FMNL2: variants seen among roughly 807,000 people sequenced by gnomAD.
FMNL2 encodes the protein formin like 2.
A neutral mutation model predicts 130.2 loss-of-function variants in FMNL2; 51 were observed. The ratio of observed to expected loss-of-function variants is 0.39; its 90% CI spans 0.31 to 0.49. The LOEUF (loss-of-function observed/expected upper bound fraction) is 0.49. FMNL2 is among the 20% of genes least tolerant of loss of function. The pLI is 0.85. For synonymous variants in FMNL2, 465 were observed against 467.1 expected (o/e 1.00, Z 0.06); for missense variants, 977 against 1,316.2 (o/e 0.74, Z 3.99).
chr2:152,411,302 G>C (rs541332787), intron 1 of FMNL2, among the ~76,000 whole-genome samples: 1 of 152,242 alleles, frequency 6.6e-6, no homozygotes, highest in African/African-American at 2.4e-5. Flanking sequence ...TGTGTATTTG[G>C]GGGTGTGTGT....
At chr2:152,531,478 C>CTTT (rs11462086) in intron 2 of FMNL2, among the ~76,000 whole-genome samples, 6 of 147,972 alleles carry the variant, frequency 4.1e-5, no homozygotes, top group Admixed American at 6.7e-5. Context: ...GATGTAAGAT[C>CTTT]TTTTTTTTTT....
At chr2:152,560,420 T>C (rs755296489) in intron 5 of FMNL2, among the ~76,000 whole-genome samples, 3 of 152,200 alleles carry the variant, frequency 2.0e-5, no homozygotes, top group Non-Finnish European at 4.4e-5. Context: ...GCTAGTAATG[T>C]ATCACATATG....
chr2:152,438,499 C>T (rs1481500094), intron 1 of FMNL2, among the ~76,000 whole-genome samples: 2 of 152,188 alleles, frequency 1.3e-5, no homozygotes, highest in Non-Finnish European at 2.9e-5. Context: ...GTTACGTCTT[C>T]AGACTTTTAA....
intron 1 of FMNL2, among the ~76,000 whole-genome samples, chr2:152,521,251 G>A (rs1693069274): frequency 6.6e-6 from 1 of 152,152 alleles, no homozygotes; most frequent in African/African-American, 2.4e-5. Context: ...AAAAATCCAT[G>A]ACCAGCACTA....
At chr2:152,432,357 C>A (rs1282584018) in intron 1 of FMNL2, among the ~76,000 whole-genome samples, 3 of 152,108 alleles carry the variant, frequency 2.0e-5, no homozygotes, top group African/African-American at 7.2e-5. Context: ...CAAAGCAGAG[C>A]GGAAGCATTG....
At chr2:152,570,831 A>C (rs893251418) in intron 6 of FMNL2, among the ~76,000 whole-genome samples, 2 of 135,052 alleles carry the variant, frequency 1.5e-5, no homozygotes, top group African/African-American at 5.8e-5. Flanking sequence ...AATGTCTGTT[A>C]TGGAATGCTG....
intron 1 of FMNL2, among the ~76,000 whole-genome samples, chr2:152,471,050 T>C (rs1689832768): frequency 6.6e-6 from 1 of 152,152 alleles, no homozygotes; most frequent in Non-Finnish European, 1.5e-5. Context: ...TGTTACAGAA[T>C]GTTTGGCTTC....
At chr2:152,375,873 CTCTCTA>C (rs1376908239) in intron 1 of FMNL2, among the ~76,000 whole-genome samples, 5 of 113,838 alleles carry the variant, frequency 4.4e-5, no homozygotes, top group South Asian at 3.5e-4. Flanking sequence ...CTCTCTCTCT[CTCTCTA>C]TATATATATA....
At chr2:152,623,036 T>A (rs1449198018) in intron 15 of FMNL2, among the ~76,000 whole-genome samples, 1 of 152,112 alleles carries the variant, frequency 6.6e-6, no homozygotes, top group Non-Finnish European at 1.5e-5. Flanking sequence ...ACTCCCACCC[T>A]GGTTAAAGCC....
chr2:152,597,014 T>C (rs1270730774), intron 9 of FMNL2, among the ~76,000 whole-genome samples: 1 of 152,240 alleles, frequency 6.6e-6, no homozygotes, highest in Admixed American at 6.5e-5. Flanking sequence ...TCAGTGATCA[T>C]TGGGAAAATA....
chr2:152,626,465 C>T, intron 16 of FMNL2, 60 bp from the exon 17 acceptor site: 1 of 1,418,134 alleles, frequency 7.1e-7, no homozygotes, highest in Non-Finnish European at 9.6e-7. Context: ...TAACTGGTGG[C>T]TTCCGGACTT....
At chr2:152,527,385 A>C (rs1039906427) in intron 2 of FMNL2, among the ~76,000 whole-genome samples, 1 of 152,156 alleles carries the variant, frequency 6.6e-6, no homozygotes, top group Non-Finnish European at 1.5e-5. Flanking sequence ...TTACCTATCA[A>C]CCTTGTACCT....
chr2:152,412,447 TATATATATATA>T (rs1479893934), intron 1 of FMNL2, among the ~76,000 whole-genome samples: 6 of 8,264 alleles, frequency 7.3e-4, no homozygotes, highest in Non-Finnish European at 1.6e-3. Flanking sequence ...CTGTATATTT[TATATATATATA>T]TATATATATA....
At chr2:152,381,321 G>C (rs1684447902) in intron 1 of FMNL2, among the ~76,000 whole-genome samples, 1 of 152,124 alleles carries the variant, frequency 6.6e-6, no homozygotes, top group Admixed American at 6.5e-5. Flanking sequence ...GTTTCAGCTT[G>C]GTGTCCAGGG....
chr2:152,532,433 C>T (rs1001126895), intron 2 of FMNL2, among the ~76,000 whole-genome samples: 4 of 152,034 alleles, frequency 2.6e-5, no homozygotes, highest in African/African-American at 4.8e-5. Flanking sequence ...ATTGTCAGTC[C>T]GTTAAAATTC....
At chr2:152,419,359 T>C (rs79439145) in intron 1 of FMNL2, among the ~76,000 whole-genome samples, 2,630 of 152,300 alleles carry the variant, frequency 0.017, 26 homozygotes, top group South Asian at 0.053. Context: ...GTATTTACCA[T>C]GCTGTGGAAT....
intron 1 of FMNL2, among the ~76,000 whole-genome samples, chr2:152,514,817 T>C (rs555911900): frequency 1.3e-5 from 2 of 152,300 alleles, no homozygotes; most frequent in Non-Finnish European, 1.5e-5. Flanking sequence ...GGGCCATGGT[T>C]GAACTCAGGG....
chr2:152,492,674 G>A (rs1428155563), intron 1 of FMNL2, among the ~76,000 whole-genome samples: 2 of 152,080 alleles, frequency 1.3e-5, no homozygotes, highest in Non-Finnish European at 2.9e-5. Context: ...AAAAAAACTA[G>A]CATTTTAAAA....
chr2:152,481,006 T>C (rs1009267907), intron 1 of FMNL2, among the ~76,000 whole-genome samples: 2 of 152,218 alleles, frequency 1.3e-5, no homozygotes, highest in African/African-American at 4.8e-5. Flanking sequence ...GATATGTCTG[T>C]ATATATACAC....
Sources: gnomAD v4.1 joint callset for allele counts (sites outside exome capture counted in the v4.1 genomes callset) on GRCh38, gnomAD v4.1.1 for gene constraint, MANE v1.5 for transcripts, NCBI Gene and HGNC (gene_info 2026-07-23, HGNC 2026-07-21) for gene names.